SNX9: variants seen among roughly 807,000 people sequenced by gnomAD.
The protein encoded by SNX9 is sorting nexin-9.
SNX9 carries 44 observed loss-of-function variants against 89.4 expected under a neutral mutation model. The observed-to-expected ratio is 0.49, with a 90% CI of 0.39 to 0.63. The LOEUF is 0.63. Among genes scored for constraint, SNX9 ranks in the 30% least tolerant of loss-of-function variants. The pLI, the probability that SNX9 is intolerant of heterozygous loss-of-function variation, is 0.00. For missense variants in SNX9, 578 were observed against 736.1 expected (o/e 0.79, Z 2.49); for synonymous variants, 236 against 247.8 (o/e 0.95, Z 0.45).
intron 4 of SNX9, among the ~76,000 whole-genome samples, chr6:157,878,543 C>G (rs1024444603): frequency 2.0e-5 from 3 of 151,820 alleles, no homozygotes; most frequent in Non-Finnish European, 4.4e-5. Context: ...AATGATTCTC[C>G]TGCGTCAATC....
intron 7 of SNX9, among the ~76,000 whole-genome samples, chr6:157,909,302 T>A (rs949978766): frequency 6.6e-6 from 1 of 152,224 alleles, no homozygotes; most frequent in South Asian, 2.1e-4. Flanking sequence ...AAACTATTAG[T>A]CTGTGATAGA....
chr6:157,941,811 TG>T (rs749393595), intron 17 of SNX9, among the ~76,000 whole-genome samples: 11 of 152,256 alleles, frequency 7.2e-5, no homozygotes, highest in Non-Finnish European at 1.6e-4. Flanking sequence ...TTGTGAATTG[TG>T]TCTTGGACAG....
At chr6:157,901,423 G>A (rs974089646) in intron 5 of SNX9, among the ~76,000 whole-genome samples, 4 of 152,180 alleles carry the variant, frequency 2.6e-5, no homozygotes, top group African/African-American at 4.8e-5. Context: ...CAAGGCCAGC[G>A]CCAAGGAGCT....
chr6:157,913,492 C>T (rs560065678), intron 9 of SNX9, among the ~76,000 whole-genome samples: 10 of 152,222 alleles, frequency 6.6e-5, no homozygotes, highest in African/African-American at 2.4e-4. Context: ...AAGGAAAGTT[C>T]AGGTTTCATT....
At chr6:157,861,649 G>C (rs978257039) in intron 1 of SNX9, among the ~76,000 whole-genome samples, 3 of 152,208 alleles carry the variant, frequency 2.0e-5, no homozygotes, top group Non-Finnish European at 4.4e-5. Flanking sequence ...TCACTGATAT[G>C]CAGTAGTCCC....
At chr6:157,927,311 C>A in intron 11 of SNX9, 97 bp downstream of exon 11, 1 of 760,362 alleles carries the variant, frequency 1.3e-6, no homozygotes, top group Non-Finnish European at 2.3e-6. Flanking sequence ...AAACTCAAAT[C>A]AGACTAGACT....
chr6:157,868,179 GTGGAGTTCTCTTTGCTGAA>G (rs1181207456), intron 2 of SNX9, among the ~76,000 whole-genome samples: 1 of 152,214 alleles, frequency 6.6e-6, no homozygotes, highest in Non-Finnish European at 1.5e-5. Flanking sequence ...TCAGCTCCCA[GTGGAGTTCTCTTTGCTGAA>G]TTACAAGTTA....
chr6:157,894,720 C>G (rs1016931183), intron 4 of SNX9, among the ~76,000 whole-genome samples: 3 of 152,174 alleles, frequency 2.0e-5, no homozygotes, highest in Non-Finnish European at 1.5e-5. Flanking sequence ...GACAAAACCC[C>G]TCAGCGTGAC....
intron 1 of SNX9, among the ~76,000 whole-genome samples, chr6:157,866,987 C>T (rs1257188325): frequency 6.6e-6 from 1 of 152,078 alleles, no homozygotes; most frequent in African/African-American, 2.4e-5. Flanking sequence ...GTCTCACTGT[C>T]GTGCAGGCTG....
chr6:157,902,111 AC>A, intron 6 of SNX9, 66 bp downstream of exon 6: 2 of 1,393,446 alleles, frequency 1.4e-6, no homozygotes, highest in Non-Finnish European at 9.5e-7. Flanking sequence ...CAAAGTATAT[AC>A]CCTACCAAGA....
chr6:157,838,414 G>C lies in SNX9; in HGVS notation c.12+14968G>C, dbSNP rs1413422863. On this transcript the variant is annotated intron_variant, in intron 1 of 17. Transcript: ENST00000392185. ...TATCCAGAGAATTTACAGTCTAATG[G>C]AGAACACAGACACTTAGATATCTTC... Among the ~76,000 whole-genome samples the C allele has an allele frequency of 2.0e-5, 3 of 152,058 alleles. 1 individual carries two copies. In the East Asian group the frequency reaches 5.8e-4, roughly 29 times the overall value.
rs1783681048 is a variant in SNX9, at chr6:157,925,861, T to C, written c.1081-1250T>C. On this transcript the variant is annotated intron_variant, in intron 10 of 17. Coordinates refer to ENST00000392185, the MANE Select transcript of SNX9 (RefSeq NM_016224.5). ...GGATAATTTATATACAACAGAAATTTATTTCTCACAGTTACGGAGGCTGGA... is the reference window on the plus strand; with the variant it reads ...GGATAATTTATATACAACAGAAATTCATTTCTCACAGTTACGGAGGCTGGA... 1.3e-5 allele frequency among the ~76,000 whole-genome samples: 2 copies of C among 151,352 alleles called. 1 individual carries two copies. Among genetic ancestry groups the C allele is most frequent in the African/African-American group, 4.9e-5 (2 of 40,614 alleles).
intron 1 of SNX9, among the ~76,000 whole-genome samples, chr6:157,857,187 A>G (rs1782030108): frequency 6.6e-6 from 1 of 152,170 alleles, no homozygotes; most frequent in African/African-American, 2.4e-5. Flanking sequence ...ATCCCTATTG[A>G]TGCTTGTATT....
At chr6:157,908,308 ATC>A (rs1583230584) in intron 7 of SNX9, among the ~76,000 whole-genome samples, 2 of 152,310 alleles carry the variant, frequency 1.3e-5, no homozygotes, top group East Asian at 3.9e-4. Flanking sequence ...CTCTGAATGA[ATC>A]TCTGAGTGAA....
chr6:157,917,179 A>G (rs543846458), intron 9 of SNX9, among the ~76,000 whole-genome samples: 38 of 152,248 alleles, frequency 2.5e-4, no homozygotes, highest in Admixed American at 3.9e-4. Flanking sequence ...AGAGTTGCTC[A>G]TAGTATTTCT....
Position 157,936,124 on chromosome 6 carries a change from C to G in SNX9, c.1443+84C>G, listed in dbSNP as rs529836272. 5.9e-6 allele frequency: 6 copies of G among 1,012,956 alleles called. No homozygotes were observed. In the East Asian group the frequency reaches 1.6e-4, roughly 28 times the overall value. 62.7% of individuals were successfully genotyped at this position (1,012,956 alleles called of 1,614,324 possible). ...AATTTAAAACCTGTCTTAGGACAAA[C>G]GTCCCAAATAAGTACCCTCTTCTTT... On this transcript the variant is annotated intron_variant, in intron 14 of 17. Coordinates refer to ENST00000392185, the MANE Select transcript of SNX9 (RefSeq NM_016224.5).
intron 2 of SNX9, among the ~76,000 whole-genome samples, chr6:157,868,313 G>A (rs1782309812): frequency 6.6e-6 from 1 of 152,154 alleles, no homozygotes; most frequent in African/African-American, 2.4e-5. Flanking sequence ...ATACACACAT[G>A]CATCTTCAGG....
chr6:157,840,242 C>T (rs934010497), intron 1 of SNX9, among the ~76,000 whole-genome samples: 2 of 151,700 alleles, frequency 1.3e-5, no homozygotes, highest in African/African-American at 4.9e-5. Flanking sequence ...GACCCTCAGG[C>T]TGGTGCTTGC....
intron 4 of SNX9, among the ~76,000 whole-genome samples, chr6:157,878,464 C>T (rs1231831811): frequency 1.4e-5 from 2 of 147,636 alleles, no homozygotes; most frequent in Non-Finnish European, 3.0e-5. Context: ...GAGTCTCGCT[C>T]AGTCGCTCAG....
Sources: gnomAD v4.1 joint callset for allele counts (sites outside exome capture counted in the v4.1 genomes callset) on GRCh38, gnomAD v4.1.1 for gene constraint, MANE v1.5 for transcripts, NCBI Gene and HGNC (gene_info 2026-07-23, HGNC 2026-07-21) for gene names.